Variants in NEGR1 observed in about 807,000 individuals in gnomAD.
NEGR1 encodes the protein IgLON family member 4.
Under a neutral mutation model 40.9 loss-of-function variants are expected in NEGR1, and 10 were observed. The observed-to-expected ratio is 0.24, with a 90% CI of 0.15 to 0.42. The LOEUF (loss-of-function observed/expected upper bound fraction) is 0.42. Among genes scored for constraint, NEGR1 ranks in the 10% least tolerant of loss-of-function variants. The pLI, the probability that NEGR1 is intolerant of heterozygous loss-of-function variation, is 1.00. For synonymous variants in NEGR1, 185 were observed against 166.8 expected (o/e 1.11, Z -0.84); for missense variants, 352 against 438.9 (o/e 0.80, Z 1.77).
intron 4 of NEGR1, among the ~76,000 whole-genome samples, chr1:71,620,573 A>T (rs1448982881): frequency 6.6e-6 from 1 of 152,036 alleles, no homozygotes; most frequent in Non-Finnish European, 1.5e-5. Context: ...ACATATCATA[A>T]GGTCAACCAA....
chr1:72,025,025 CT>C (rs1222917851), intron 1 of NEGR1, among the ~76,000 whole-genome samples: 1 of 152,146 alleles, frequency 6.6e-6, no homozygotes, highest in East Asian at 1.9e-4. Context: ...TGATTTTCCA[CT>C]TGGGAGTTAT....
chr1:71,810,653 A>C (rs918532374), intron 2 of NEGR1, among the ~76,000 whole-genome samples: 1 of 152,080 alleles, frequency 6.6e-6, no homozygotes, highest in African/African-American at 2.4e-5. Context: ...AGGTGACTGG[A>C]TCATGAGGGT....
intron 5 of NEGR1, among the ~76,000 whole-genome samples, chr1:71,603,623 AT>A (rs1397305908): frequency 1.3e-5 from 2 of 152,184 alleles, no homozygotes; most frequent in Non-Finnish European, 2.9e-5. Context: ...AATCTTGAAA[AT>A]TCCTTAAACT....
At chr1:71,587,303 A>C (rs1218007525) in intron 6 of NEGR1, among the ~76,000 whole-genome samples, 2 of 152,118 alleles carry the variant, frequency 1.3e-5, no homozygotes, top group African/African-American at 4.8e-5. Flanking sequence ...GCATCGGTTG[A>C]ATCTAACCAG....
chr1:71,711,169 C>T (rs1395862199), intron 3 of NEGR1, among the ~76,000 whole-genome samples: 2 of 149,550 alleles, frequency 1.3e-5, no homozygotes, highest in Non-Finnish European at 3.0e-5. Context: ...AACCCTGTCT[C>T]TACTAAAAAA....
chr1:71,619,616 T>C (rs900664313), intron 4 of NEGR1, among the ~76,000 whole-genome samples: 2 of 152,006 alleles, frequency 1.3e-5, no homozygotes, highest in Non-Finnish European at 2.9e-5. Context: ...AGGAATGTTA[T>C]TAGACAGATG....
chr1:71,738,361 CA>C, intron 3 of NEGR1: 1 of 217,634 alleles, frequency 4.6e-6, no homozygotes. Context: ...GTGACAACTG[CA>C]AATAAAGATC....
Position 72,160,095 on chromosome 1 carries a change from C to T in NEGR1, c.176+122224G>A, listed in dbSNP as rs572540048. Reference sequence around the variant, plus strand: ...TTTCTGCAAGCAATATCTCACTTTCCTCTAAAATATAAGCTGGATATTCAG... The same window carrying T: ...TTTCTGCAAGCAATATCTCACTTTCTTCTAAAATATAAGCTGGATATTCAG... On this transcript the variant is annotated intron_variant, in intron 1 of 6. Transcript: ENST00000357731. Among the ~76,000 whole-genome samples, 12 of 152,118 alleles carry T rather than the reference C, an allele frequency of 7.9e-5. No homozygotes were observed. The South Asian group carries it at 8.3e-4, about 11-fold the overall frequency.
At chr1:71,925,061 C>T (rs1019276849) in intron 2 of NEGR1, among the ~76,000 whole-genome samples, 3 of 151,940 alleles carry the variant, frequency 2.0e-5, no homozygotes, top group African/African-American at 7.3e-5. Flanking sequence ...TGTCAGACAC[C>T]ATCCTGGTTG....
chr1:71,608,156 T>G (rs765784025), intron 5 of NEGR1, among the ~76,000 whole-genome samples: 24 of 152,178 alleles, frequency 1.6e-4, no homozygotes, highest in Non-Finnish European at 2.6e-4. Flanking sequence ...TACCATGATA[T>G]TTGAGAATTT....
chr1:71,908,778 T>G (rs1157891739), intron 2 of NEGR1, among the ~76,000 whole-genome samples: 1 of 152,198 alleles, frequency 6.6e-6, no homozygotes, highest in East Asian at 1.9e-4. Context: ...GTTACAGTTT[T>G]TTTAGTAATT....
chr1:71,424,357 AT>A (rs1324710022), intron 6 of NEGR1, among the ~76,000 whole-genome samples: 14 of 152,316 alleles, frequency 9.2e-5, no homozygotes, highest in South Asian at 2.1e-4. Flanking sequence ...CATTTAATAA[AT>A]GGATTTAGTA....
intron 6 of NEGR1, among the ~76,000 whole-genome samples, chr1:71,568,802 A>G (rs909182559): frequency 4.0e-5 from 6 of 148,534 alleles, no homozygotes; most frequent in Non-Finnish European, 8.9e-5. Flanking sequence ...TTTTATATGT[A>G]TGTGTGTGTA....
chr1:71,733,595 C>T (rs1449267082), intron 3 of NEGR1, among the ~76,000 whole-genome samples: 3 of 151,962 alleles, frequency 2.0e-5, no homozygotes, highest in African/African-American at 7.3e-5. Context: ...CTGAAGAGCC[C>T]AAGGCTCTGA....
At chr1:72,171,746 T>TA (rs1453184065) in intron 1 of NEGR1, among the ~76,000 whole-genome samples, 1 of 152,178 alleles carries the variant, frequency 6.6e-6, no homozygotes, top group Non-Finnish European at 1.5e-5. Context: ...TCCCCCTCTT[T>TA]AATCAAGAGA....
intron 1 of NEGR1, among the ~76,000 whole-genome samples, chr1:72,095,820 A>G (rs944295523): frequency 1.3e-5 from 2 of 152,102 alleles, no homozygotes; most frequent in Admixed American, 6.5e-5. Flanking sequence ...GGTTAGGAAT[A>G]CCTACGAGGG....
At chr1:72,138,266 A>G (rs762632751) in intron 1 of NEGR1, among the ~76,000 whole-genome samples, 79 of 152,022 alleles carry the variant, frequency 5.2e-4, no homozygotes, top group Non-Finnish European at 7.8e-4. Flanking sequence ...ACAATAAAAA[A>G]CCACTCCAAT....
chr1:71,633,045 C>T (rs1040763958), intron 4 of NEGR1, among the ~76,000 whole-genome samples: 1 of 151,962 alleles, frequency 6.6e-6, no homozygotes, highest in Non-Finnish European at 1.5e-5. Flanking sequence ...TTTAAAATAT[C>T]TCTAATAGGA....
intron 1 of NEGR1, among the ~76,000 whole-genome samples, chr1:72,005,337 A>T (rs1169415518): frequency 6.6e-6 from 1 of 152,184 alleles, no homozygotes; most frequent in Non-Finnish European, 1.5e-5. Context: ...ATATATAAAC[A>T]AACTCAAGAA....
Sources: gnomAD v4.1 joint callset for allele counts (sites outside exome capture counted in the v4.1 genomes callset) on GRCh38, gnomAD v4.1.1 for gene constraint, MANE v1.5 for transcripts, NCBI Gene and HGNC (gene_info 2026-07-23, HGNC 2026-07-21) for gene names.